The following MYZAP variants were observed in gnomAD, a reference collection of about 807,000 sequenced individuals.
The protein encoded by MYZAP is GRINL1A complex locus upstream.
MYZAP carries 66 observed loss-of-function variants against 69.4 expected under a neutral mutation model. The ratio of observed to expected loss-of-function variants is 0.95; its 90% CI spans 0.78 to 1.17. The LOEUF (loss-of-function observed/expected upper bound fraction) is 1.17. MYZAP is among the 50% of genes most tolerant of loss of function. The probability of loss-of-function intolerance (pLI) is 0.00; values close to 1 mark genes in which losing one functional copy is unlikely to be tolerated. For missense variants in MYZAP, 611 were observed against 556.2 expected (o/e 1.10, Z -0.99); for synonymous variants, 256 against 205.9 (o/e 1.24, Z -2.09).
chr15:57,621,216 T>TTTG (rs1256278354), intron 3 of MYZAP, among the ~76,000 whole-genome samples: 1 of 144,510 alleles, frequency 6.9e-6, no homozygotes, highest in African/African-American at 2.5e-5. Context: ...TTTTTTTTTT[T>TTTG]TTTTTGTTTT....
At chr15:57,638,440 C>A (rs1202942321) in intron 9 of MYZAP, among the ~76,000 whole-genome samples, 2 of 152,170 alleles carry the variant, frequency 1.3e-5, no homozygotes, top group African/African-American at 4.8e-5. Flanking sequence ...GTTAAGAGAA[C>A]TATTGGGCTT....
At chr15:57,650,652 T>C (rs2037680574) in intron 10 of MYZAP, among the ~76,000 whole-genome samples, 1 of 152,190 alleles carries the variant, frequency 6.6e-6, no homozygotes, top group Non-Finnish European at 1.5e-5. Flanking sequence ...GTTATGAGGA[T>C]TGACTGATGT....
intron 11 of MYZAP, among the ~76,000 whole-genome samples, chr15:57,670,658 T>C (rs2038825282): frequency 6.6e-6 from 1 of 152,090 alleles, no homozygotes; most frequent in Non-Finnish European, 1.5e-5. Flanking sequence ...TTTGTTTTGC[T>C]TATTTTGCTT....
At chr15:57,609,024 G>C (rs1399359355) in intron 2 of MYZAP, among the ~76,000 whole-genome samples, 1 of 152,164 alleles carries the variant, frequency 6.6e-6, no homozygotes, top group African/African-American at 2.4e-5. Context: ...CACCCAGGCT[G>C]CCCCTTTCAC....
chr15:57,639,566 A>G (rs2037016221), intron 10 of MYZAP, 21 bp downstream of exon 10: 1 of 1,609,584 alleles, frequency 6.2e-7, no homozygotes, highest in African/African-American at 1.3e-5. Context: ...GCAAAAGGTC[A>G]CAGGCCTGGG....
chr15:57,632,704 T>C lies in MYZAP; in HGVS notation c.804+145T>C, dbSNP rs941536280. 32 of 1,340,272 alleles carry C rather than the reference T, an allele frequency of 2.4e-5. No homozygotes were observed. The Admixed American group carries it at 6.0e-4, about 25-fold the overall frequency. 83.0% of individuals were successfully genotyped at this position (1,340,272 alleles called of 1,614,324 possible). On this transcript the variant is annotated intron_variant, in intron 7 of 12. Coordinates refer to ENST00000267853, the MANE Select transcript of MYZAP (RefSeq NM_001018100.5). ...AGGGATCAAGGAATTATTCATCTGC[T>C]CATTCACTCCCCTCCCCTCTTCCCC... is the stretch of plus-strand genomic sequence containing the variant.
At chr15:57,646,205 G>A (rs185710051) in intron 10 of MYZAP, 365 of 1,289,362 alleles carry the variant, frequency 2.8e-4, no homozygotes, top group Middle Eastern at 1.3e-3. Flanking sequence ...TTGGTAGCCT[G>A]CTCTGGGTTG....
chr15:57,654,420 C>T (rs572090995), intron 10 of MYZAP, among the ~76,000 whole-genome samples: 1 of 152,196 alleles, frequency 6.6e-6, no homozygotes, highest in East Asian at 1.9e-4. Flanking sequence ...AAGTGATGTG[C>T]ACCTTTTATA....
chr15:57,642,527 C>T (rs2037220045), intron 10 of MYZAP, among the ~76,000 whole-genome samples: 1 of 152,110 alleles, frequency 6.6e-6, no homozygotes, highest in Non-Finnish European at 1.5e-5. Context: ...CTTTTTCTTC[C>T]CTCACATGGG....
At chr15:57,627,321 G>A (rs1456223659) in intron 5 of MYZAP, among the ~76,000 whole-genome samples, 2 of 141,664 alleles carry the variant, frequency 1.4e-5, no homozygotes, top group Admixed American at 1.5e-4. Flanking sequence ...AGCCAAAGGA[G>A]CCTTATAGCT....
intron 2 of MYZAP, among the ~76,000 whole-genome samples, chr15:57,608,421 A>G (rs888807750): frequency 1.3e-5 from 2 of 152,222 alleles, no homozygotes; most frequent in Non-Finnish European, 2.9e-5. Context: ...CAATTACAAC[A>G]GAGTCAGCAC....
intron 11 of MYZAP, among the ~76,000 whole-genome samples, chr15:57,664,250 G>T (rs1328737092): frequency 1.3e-5 from 2 of 152,074 alleles, no homozygotes; most frequent in Non-Finnish European, 2.9e-5. Context: ...GTTCTTGGTT[G>T]GGTCACAGGA....
At chr15:57,604,189 T>G in intron 1 of MYZAP, 80 bp from the exon 2 acceptor site, 2 of 1,438,412 alleles carry the variant, frequency 1.4e-6, no homozygotes, top group Non-Finnish European at 9.7e-7. Context: ...GGAAATGGGC[T>G]GTGAGAAGCC....
intron 12 of MYZAP, among the ~76,000 whole-genome samples, chr15:57,681,714 G>A (rs1413242516): frequency 1.3e-5 from 2 of 152,174 alleles, no homozygotes; most frequent in African/African-American, 4.8e-5. Context: ...GAGCCTGGGA[G>A]GCAGAGGTTG....
intron 2 of MYZAP, among the ~76,000 whole-genome samples, chr15:57,617,676 T>C (rs1377430255): frequency 5.3e-5 from 8 of 152,170 alleles, no homozygotes; most frequent in Admixed American, 5.2e-4. Flanking sequence ...ATGGAGAAGC[T>C]GGGATAAGGG....
intron 1 of MYZAP, among the ~76,000 whole-genome samples, chr15:57,602,827 G>A (rs1258117536): frequency 6.6e-6 from 1 of 152,156 alleles, no homozygotes; most frequent in African/African-American, 2.4e-5. Context: ...TAGGTTTGTG[G>A]TGAGGCTTAA....
At chr15:57,624,394 C>T (rs557738677) in intron 4 of MYZAP, among the ~76,000 whole-genome samples, 28 of 152,200 alleles carry the variant, frequency 1.8e-4, no homozygotes, top group African/African-American at 6.7e-4. Flanking sequence ...CTCCCTACCC[C>T]ATTTCTTGAT....
At chr15:57,636,327 C>T (rs528517430) in intron 8 of MYZAP, among the ~76,000 whole-genome samples, 1 of 152,112 alleles carries the variant, frequency 6.6e-6, no homozygotes, top group Non-Finnish European at 1.5e-5. Flanking sequence ...AGTTGATCTA[C>T]CTTTGTTATT....
chr15:57,657,628 G>A (rs1465626590), intron 10 of MYZAP, among the ~76,000 whole-genome samples: 1 of 152,012 alleles, frequency 6.6e-6, no homozygotes, highest in Non-Finnish European at 1.5e-5. Flanking sequence ...AGACATTAAG[G>A]TTATTTAGTG....
Sources: gnomAD v4.1 joint callset for allele counts (sites outside exome capture counted in the v4.1 genomes callset) on GRCh38, gnomAD v4.1.1 for gene constraint, MANE v1.5 for transcripts, NCBI Gene and HGNC (gene_info 2026-07-23, HGNC 2026-07-21) for gene names.